Variants in LRRC36 observed in about 807,000 individuals in gnomAD.
The protein encoded by LRRC36 is leucine rich repeat containing 36.
LRRC36 carries 62 observed loss-of-function variants against 81.1 expected under a neutral mutation model. That is an observed-to-expected ratio of 0.76 (90% CI 0.62 to 0.94). The LOEUF (loss-of-function observed/expected upper bound fraction) is 0.94, where lower values mean the gene tolerates loss of function less well. Ranked by LOEUF, LRRC36 falls within the 40% of genes least tolerant of loss-of-function variation. LRRC36 has a pLI of 0.00. For missense variants in LRRC36, 761 were observed against 881.7 expected, an observed-to-expected ratio of 0.86 and a Z score of 1.73; for synonymous variants, 334 against 348.6, an observed-to-expected ratio of 0.96 and a Z score of 0.47.
intron 5 of LRRC36, among the ~76,000 whole-genome samples, chr16:67,360,559 T>C (rs183384952): frequency 1.1e-3 from 161 of 152,372 alleles, no homozygotes; most frequent in Non-Finnish European, 2.0e-3. Flanking sequence ...TTGTTTCTTC[T>C]GTAGTACTAC....
chr16:67,335,857 C>T (rs529568528), intron 1 of LRRC36, among the ~76,000 whole-genome samples: 37 of 152,164 alleles, frequency 2.4e-4, no homozygotes, highest in African/African-American at 8.7e-4. Flanking sequence ...CTCAGCCTCC[C>T]GAGTAGCTGG....
rs746125282 is a variant in LRRC36 at position 67,367,021 on chromosome 16, C to T, written c.759C>T (p.Phe253=). 1 of 1,598,132 alleles carries T rather than the reference C, an allele frequency of 6.3e-7. No homozygotes were observed. The highest frequency in any genetic ancestry group is 8.5e-7 in the Non-Finnish European group (1 of 1,173,242). ...MPSDNHQEDE[F]RHYSPRQSTV... is the part of the protein sequence containing the mutation. ...TTTTGCCTTGGTGGTGTTTAGAGTT[C>T]AGACACTACTCGCCTCGTCAGTCCA... Residue 253 remains phenylalanine, a synonymous_variant, in exon 8 of 14, where the codon TTC becomes TTT. Transcript: ENST00000329956.
intron 8 of LRRC36, among the ~76,000 whole-genome samples, chr16:67,369,483 A>G (rs1264028632): frequency 2.6e-5 from 4 of 152,230 alleles, no homozygotes; most frequent in Non-Finnish European, 4.4e-5. Context: ...CAGGGGATGC[A>G]TGAGAATGAA....
chr16:67,367,396 C>T lies in LRRC36; in HGVS notation c.1134C>T (p.Asp378=), dbSNP rs745751370. The change falls in exon 8 of 14, where the codon GAC becomes GAT. Residue 378 remains aspartate, a synonymous_variant. Coordinates refer to ENST00000329956, the MANE Select transcript of LRRC36 (RefSeq NM_018296.6). The part of the protein sequence containing the change: ...IKTTASHSCG[D]LLTSLSNPDS... ...CCACCGCTTCACATTCCTGTGGAGACTTATTAACTTCTCTGTCAAACCCTG... is the reference window on the plus strand; with the variant it reads ...CCACCGCTTCACATTCCTGTGGAGATTTATTAACTTCTCTGTCAAACCCTG... 12 of 1,613,954 alleles carry T rather than the reference C, an allele frequency of 7.4e-6. No homozygotes were observed. The highest frequency in any genetic ancestry group is 1.0e-5 in the Non-Finnish European group (12 of 1,179,944).
At chr16:67,339,547 C>G (rs970736472) in intron 1 of LRRC36, among the ~76,000 whole-genome samples, 2 of 152,104 alleles carry the variant, frequency 1.3e-5, no homozygotes, top group Non-Finnish European at 2.9e-5. Flanking sequence ...TGACTATAAT[C>G]CTTTTCTGTG....
chr16:67,368,011 A>G (rs1217755633), intron 8 of LRRC36, among the ~76,000 whole-genome samples: 1 of 152,202 alleles, frequency 6.6e-6, no homozygotes, highest in Non-Finnish European at 1.5e-5. Context: ...GTAAGCCAAG[A>G]TCGGGCCACT....
At chr16:67,366,976 AT>A in intron 7 of LRRC36, 40 bp from the exon 8 acceptor site, 3 of 1,508,454 alleles carry the variant, frequency 2.0e-6, no homozygotes, top group Non-Finnish European at 2.7e-6. Flanking sequence ...GCCACAAAGA[AT>A]TCTTATCATG....
chr16:67,326,815 G>A lies in LRRC36; in HGVS notation c.-48G>A. On this transcript the variant is annotated 5_prime_UTR_variant, in exon 1 of 14. In the 5' UTR this introduces an upstream ATG that the reference lacks. Transcript: ENST00000329956. The stretch of plus-strand genomic sequence containing the variant: ...GGCGGGGCAGTGGGCGGGGCCTGGC[G>A]TGCGCCGGGTGGTCTCGCGGGCGGT... 1 of 1,393,346 alleles carries A rather than the reference G, an allele frequency of 7.2e-7. No individual in the cohort carries two copies. Among genetic ancestry groups the A allele is most frequent in the South Asian group, 1.7e-5 (1 of 58,312 alleles). The allele number at this position is 1,393,346 out of a possible 1,614,324, so 86.3% of individuals were successfully genotyped here. A position where few individuals can be genotyped will look rare whatever the true frequency, so the allele number is the denominator to read the frequency against.
intron 5 of LRRC36, among the ~76,000 whole-genome samples, chr16:67,358,091 G>T (rs1312716247): frequency 1.3e-5 from 2 of 149,710 alleles, no homozygotes; most frequent in Non-Finnish European, 3.0e-5. Flanking sequence ...AATAATCTCA[G>T]AATACAAATT....
intron 1 of LRRC36, among the ~76,000 whole-genome samples, chr16:67,333,680 T>C (rs927582444): frequency 2.6e-5 from 4 of 152,180 alleles, no homozygotes; most frequent in Non-Finnish European, 2.9e-5. Context: ...TTCTTTGACT[T>C]AGCATAGTAT....
Position 67,337,290 on chromosome 16 carries a change from C to T in LRRC36, c.71-4667C>T, listed in dbSNP as rs187890083. Among the ~76,000 whole-genome samples, 19 of 151,338 alleles carry T rather than the reference C, an allele frequency of 1.3e-4. No homozygotes were observed. The East Asian group carries it at 3.7e-3, about 29-fold the overall frequency. On this transcript the variant is annotated intron_variant, in intron 1 of 13. Coordinates refer to ENST00000329956, the MANE Select transcript of LRRC36 (RefSeq NM_018296.6). ...AGTTATTCTATTGTTCTTTTGTGCT[C>T]TTATTTTCATTATTTGGTCTTCATT...
chr16:67,374,784 T>G (rs936922486), intron 9 of LRRC36, among the ~76,000 whole-genome samples: 1 of 152,152 alleles, frequency 6.6e-6, no homozygotes, highest in Non-Finnish European at 1.5e-5. Flanking sequence ...TAGACATAAA[T>G]AATATTATGC....
At position 67,354,436 on chromosome 16, in the gene LRRC36, C is replaced by G. The variant is rs542764849; in HGVS notation, c.577+4146C>G. Among the ~76,000 whole-genome samples the G allele has an allele frequency of 5.9e-5, 9 of 152,078 alleles. No individual in the cohort carries two copies. In the East Asian group the frequency reaches 1.5e-3, roughly 26 times the overall value. ...GGGATTACAGGCGTGTACCACCACG[C>G]CTGGTTAATATTTGTGTTTTTAGTA... On this transcript the variant is annotated intron_variant, in intron 5 of 13. Transcript: ENST00000329956.
At chr16:67,339,337 G>T (rs569847620) in intron 1 of LRRC36, among the ~76,000 whole-genome samples, 36 of 151,688 alleles carry the variant, frequency 2.4e-4, no homozygotes, top group African/African-American at 8.0e-4. Context: ...TTAACTTTGT[G>T]GACCCCTGTA....
At chr16:67,351,982 G>C (rs1341178022) in intron 5 of LRRC36, among the ~76,000 whole-genome samples, 1 of 152,044 alleles carries the variant, frequency 6.6e-6, no homozygotes, top group Non-Finnish European at 1.5e-5. Context: ...CTAGGTACAG[G>C]CATTTAAGTA....
intron 5 of LRRC36, among the ~76,000 whole-genome samples, chr16:67,358,130 C>T (rs1323680051): frequency 1.4e-5 from 2 of 146,498 alleles, no homozygotes; most frequent in Admixed American, 1.4e-4. Context: ...TTGTATATGA[C>T]GTACTTAGTC....
chr16:67,376,715 A>C lies in LRRC36; in HGVS notation c.1661-12A>C. ...AAGATTGGCCTGTGTGCCCATCCTG[A>C]ATTTTTGGCAGGTCCTGCCCGAGAT... On this transcript the variant is annotated splice_polypyrimidine_tract_variant and intron_variant, in intron 10 of 13. Coordinates refer to ENST00000329956, the MANE Select transcript of LRRC36 (RefSeq NM_018296.6). The C allele has an allele frequency of 6.2e-7, 1 of 1,608,060 alleles. No individual in the cohort carries two copies. Among genetic ancestry groups the C allele is most frequent in the Non-Finnish European group, 8.5e-7 (1 of 1,175,308 alleles).
intron 1 of LRRC36, chr16:67,327,173 T>G (rs2037227535): frequency 2.4e-5 from 9 of 377,852 alleles, no homozygotes; most frequent in Admixed American, 5.0e-5. Flanking sequence ...AAGAGGGGAG[T>G]GTGAAGTAGG....
In LRRC36 at chr16:67,346,393, A is replaced by G; in HGVS notation, c.336A>G (p.Lys112=). Residue 112 remains lysine (K), a synonymous_variant, in exon 3 of 14, where the codon AAA becomes AAG. Transcript: ENST00000329956. The part of the protein sequence containing the change: ...LDLRLNPVVR[K]DTDYRLFAVY... The stretch of plus-strand genomic sequence containing the variant: ...TGAGACTTAATCCTGTTGTAAGGAA[A>G]GATACAGATTATAGGCTCTTTGCTG... The G allele has an allele frequency of 6.2e-7, 1 of 1,613,556 alleles. No homozygotes were observed. Among genetic ancestry groups the G allele is most frequent in the East Asian group, 2.2e-5 (1 of 44,862 alleles).
Sources: gnomAD v4.1 joint callset for allele counts (sites outside exome capture counted in the v4.1 genomes callset) on GRCh38, gnomAD v4.1.1 for gene constraint, MANE v1.5 for transcripts, NCBI Gene and HGNC (gene_info 2026-07-23, HGNC 2026-07-21) for gene names.